The following FOCAD variants were observed in gnomAD, a reference collection of about 807,000 sequenced individuals.
FOCAD encodes the protein focadhesin.
FOCAD carries 198 observed loss-of-function variants against 225.6 expected under a neutral mutation model. The ratio of observed to expected loss-of-function variants is 0.88; its 90% CI spans 0.78 to 0.99. The LOEUF is 0.99. Ranked by LOEUF, FOCAD falls within the 50% of genes least tolerant of loss-of-function variation. The probability of loss-of-function intolerance (pLI) is 0.00; values close to 1 mark genes in which losing one functional copy is unlikely to be tolerated. For missense variants in FOCAD, 2,713 were observed against 2,123.6 expected (o/e 1.28, Z -5.46); for synonymous variants, 897 against 755.0 (o/e 1.19, Z -3.08).
intron 20 of FOCAD, among the ~76,000 whole-genome samples, chr9:20,883,378 A>G (rs1830839722): frequency 1.3e-5 from 2 of 152,206 alleles, no homozygotes; most frequent in South Asian, 4.1e-4. Context: ...AAGATCACAA[A>G]ATATCTGAAC....
chr9:20,978,078 T>C (rs927639065), intron 36 of FOCAD, among the ~76,000 whole-genome samples: 2 of 152,192 alleles, frequency 1.3e-5, no homozygotes, highest in African/African-American at 2.4e-5. Context: ...TTTGAGTGTG[T>C]AGTTTCCTCT....
At chr9:20,689,795 T>G (rs1346577443) in intron 1 of FOCAD, among the ~76,000 whole-genome samples, 1 of 152,186 alleles carries the variant, frequency 6.6e-6, no homozygotes, top group Non-Finnish European at 1.5e-5. Flanking sequence ...TGATGAAGCT[T>G]TCTGTTGTTA....
At chr9:20,732,482 G>T (rs1428085928) in intron 4 of FOCAD, among the ~76,000 whole-genome samples, 1 of 152,188 alleles carries the variant, frequency 6.6e-6, no homozygotes, top group African/African-American at 2.4e-5. Context: ...AGTGAGGGGA[G>T]AGTGGTATGA....
At chr9:20,731,066 TCTCTACTAAAAATACAAAAAAA>T (rs1313598777) in intron 4 of FOCAD, among the ~76,000 whole-genome samples, 1 of 151,932 alleles carries the variant, frequency 6.6e-6, no homozygotes, top group Admixed American at 6.6e-5. Flanking sequence ...CAAAACCCCA[TCTCTACTAAAAATACAAAAAAA>T]ATTAGCTGGG....
At chr9:20,671,422 A>C in intron 2 of FOCAD, among the ~76,000 whole-genome samples, 1 of 152,304 alleles carries the variant, frequency 6.6e-6, no homozygotes, top group South Asian at 2.1e-4. Flanking sequence ...AAGCTTGAAG[A>C]ATGGCTTCAG....
intron 11 of FOCAD, among the ~76,000 whole-genome samples, chr9:20,809,949 A>G (rs1248098650): frequency 6.6e-6 from 1 of 152,180 alleles, no homozygotes; most frequent in Non-Finnish European, 1.5e-5. Flanking sequence ...ACTTTCTTTT[A>G]AAGCAAAATG....
chr9:20,763,267 G>A (rs144409702), intron 6 of FOCAD, among the ~76,000 whole-genome samples: 2 of 152,242 alleles, frequency 1.3e-5, no homozygotes, highest in Non-Finnish European at 2.9e-5. Flanking sequence ...ACAGAAATCC[G>A]TGGCCTCATT....
intron 28 of FOCAD, among the ~76,000 whole-genome samples, chr9:20,938,274 T>C (rs982106988): frequency 1.3e-5 from 2 of 152,160 alleles, no homozygotes; most frequent in African/African-American, 2.4e-5. Flanking sequence ...TAAAGACACA[T>C]GCACACGTAT....
At chr9:20,693,444 T>G (rs1180534588) in intron 1 of FOCAD, among the ~76,000 whole-genome samples, 2 of 152,338 alleles carry the variant, frequency 1.3e-5, no homozygotes, top group East Asian at 3.9e-4. Flanking sequence ...AGAAATGCTA[T>G]GTAATTTACT....
At chr9:20,957,376 T>C (rs1327432082) in intron 35 of FOCAD, 1 of 152,142 alleles carries the variant, frequency 6.6e-6, no homozygotes, top group Non-Finnish European at 1.5e-5. Flanking sequence ...CATTTTTAAA[T>C]GACTATAGAA....
chr9:20,815,996 G>T (rs6475478), intron 11 of FOCAD, among the ~76,000 whole-genome samples: 127,385 of 152,096 alleles, frequency 0.84, 53,477 homozygotes, highest in Admixed American at 0.9. Context: ...ATTGGGGACT[G>T]AATTTGGGCT....
chr9:20,803,665 C>G (rs1413830913), intron 11 of FOCAD, among the ~76,000 whole-genome samples: 1 of 152,194 alleles, frequency 6.6e-6, no homozygotes, highest in Non-Finnish European at 1.5e-5. Context: ...GGGTTGTGGT[C>G]TGTTCTGTTA....
At chr9:20,769,309 G>T (rs1459179658) in intron 7 of FOCAD, among the ~76,000 whole-genome samples, 1 of 152,192 alleles carries the variant, frequency 6.6e-6, no homozygotes, top group Non-Finnish European at 1.5e-5. Flanking sequence ...TCTTCTTGAT[G>T]AATTTAGCAG....
chr9:20,659,672 A>G (rs1821651471), intron 2 of FOCAD, among the ~76,000 whole-genome samples: 1 of 152,206 alleles, frequency 6.6e-6, no homozygotes. Context: ...CTGTTGTCTA[A>G]GTCACCCAAC....
At chr9:20,932,881 A>G (rs1835612355) in intron 27 of FOCAD, 133 bp from the exon 28 acceptor site, 2 of 643,886 alleles carry the variant, frequency 3.1e-6, no homozygotes, top group Admixed American at 5.6e-5. Context: ...CAACTCATCA[A>G]TATTGTCACT....
At chr9:20,829,563 C>T (rs1455013314) in intron 15 of FOCAD, among the ~76,000 whole-genome samples, 1 of 151,988 alleles carries the variant, frequency 6.6e-6, no homozygotes, top group East Asian at 1.9e-4. Context: ...AATGTCTATT[C>T]AGATCCTTTG....
At chr9:20,894,985 T>C (rs554719936) in intron 21 of FOCAD, among the ~76,000 whole-genome samples, 1 of 152,204 alleles carries the variant, frequency 6.6e-6, no homozygotes, top group East Asian at 1.9e-4. Flanking sequence ...TAATCTATTT[T>C]GAGTTAATTT....
chr9:20,978,202 A>G, intron 36 of FOCAD, 137 bp from the exon 37 acceptor site: 2 of 548,066 alleles, frequency 3.6e-6, no homozygotes, highest in Non-Finnish European at 6.5e-6. Flanking sequence ...GTCTCTTGAA[A>G]TATCTCTTCT....
intron 36 of FOCAD, among the ~76,000 whole-genome samples, chr9:20,976,809 G>C (rs1434595702): frequency 2.6e-5 from 4 of 152,138 alleles, no homozygotes; most frequent in African/African-American, 9.7e-5. Flanking sequence ...CTGGGAATGT[G>C]GTACAGGTTC....
Sources: allele counts gnomAD v4.1 joint callset (sites outside exome capture counted in the v4.1 genomes callset), GRCh38; gene constraint gnomAD v4.1.1; transcripts MANE v1.5; gene names NCBI Gene and HGNC (gene_info 2026-07-23, HGNC 2026-07-21).